The following PKD2 variants were observed in gnomAD, a reference collection of about 807,000 sequenced individuals.
PKD2 encodes the protein polycystin 2, transient receptor potential cation channel, also known as polycystin-2.
Under a neutral mutation model 105.9 loss-of-function variants are expected in PKD2, and 48 were observed. That is an observed-to-expected ratio of 0.45 (90% CI 0.36 to 0.58). The LOEUF is 0.58. PKD2 is among the 20% of genes least tolerant of loss of function. The pLI is 0.00. For missense variants in PKD2, 1,078 were observed against 1,255.3 expected (o/e 0.86, Z 2.13); for synonymous variants, 464 against 481.1 (o/e 0.96, Z 0.46).
intron 2 of PKD2, among the ~76,000 whole-genome samples, chr4:88,025,352 G>A (rs1726917436): frequency 6.6e-6 from 1 of 151,970 alleles, no homozygotes; most frequent in Admixed American, 6.6e-5. Context: ...CAATTACTTG[G>A]GAGCCTGAGG....
rs997793475 is a variant in PKD2 at position 88,077,299 on chromosome 4, G to A, written c.*1605G>A. 6.6e-6 allele frequency: 1 copy of A among 152,540 alleles called. No homozygotes were observed. Among genetic ancestry groups the A allele is most frequent in the Non-Finnish European group, 1.5e-5 (1 of 68,032 alleles). The allele number at this position is 152,540 out of a possible 1,614,324, so 9.4% of individuals were successfully genotyped here. Reference sequence around the variant, plus strand: ...GGGTTTCTGTAAGTTTTTCCTCATGGCTTCATCTCTATCTTTACTTTCTCT... The same window carrying A: ...GGGTTTCTGTAAGTTTTTCCTCATGACTTCATCTCTATCTTTACTTTCTCT... On this transcript the variant is annotated 3_prime_UTR_variant, in exon 15 of 15. Transcript: ENST00000237596.
chr4:88,019,507 A>G lies in PKD2; in HGVS notation c.645A>G (p.Lys215=), dbSNP rs2110089256. 1.2e-6 allele frequency: 2 copies of G among 1,609,162 alleles called. No homozygotes were observed. Among genetic ancestry groups the G allele is most frequent in the Middle Eastern group, 3.3e-4 (2 of 6,046 alleles). Residue 215 remains lysine, a synonymous_variant, in exon 2 of 15, where the codon AAA becomes AAG. Coordinates refer to ENST00000237596, the MANE Select transcript of PKD2 (RefSeq NM_000297.4). ...AGGAAAGCAGCACTAACCGAGAGAAATACCTTAAAAGTGTTTTACGGGAAC... is the reference window on the plus strand; with the variant it reads ...AGGAAAGCAGCACTAACCGAGAGAAGTACCTTAAAAGTGTTTTACGGGAAC... ...LMEESSTNRE[K]YLKSVLRELV...
intron 7 of PKD2, among the ~76,000 whole-genome samples, chr4:88,055,607 G>C (rs529333995): frequency 1.3e-5 from 2 of 150,622 alleles, no homozygotes; most frequent in South Asian, 4.2e-4. Flanking sequence ...CCAAAGTGCC[G>C]GGATTATAGA....
At position 88,052,128 on chromosome 4, in the gene PKD2, T is replaced by G. The variant is rs1237019577; in HGVS notation, c.1686T>G (p.Ala562=). 6.2e-7 allele frequency: 1 copy of G among 1,604,902 alleles called. No individual in the cohort carries two copies. Among genetic ancestry groups the G allele is most frequent in the East Asian group, 2.2e-5 (1 of 44,784 alleles). ...GGCAGATACAGTTCAACAATATAGC[T>G]GCTGTCACAGTATTTTTTGTCTGGA... ...AYWQIQFNNI[A]AVTVFFVWIK... Residue 562 remains alanine, a synonymous_variant, in exon 7 of 15, where the codon GCT becomes GCG. Transcript: ENST00000237596.
rs770056709 is a variant in PKD2 at position 88,038,400 on chromosome 4, C to T, written c.993C>T (p.Cys331=). 1 of 1,613,400 alleles carries T rather than the reference C, an allele frequency of 6.2e-7. No homozygotes were observed. The highest frequency in any genetic ancestry group is 1.3e-5 in the African/African-American group (1 of 74,884). Residue 331 remains cysteine (C), a synonymous_variant, in exon 4 of 15, where the codon TGC becomes TGT. Transcript: ENST00000237596. ...AACTCCGAGTCAGAAATGGATCCTG[C>T]TCTATCCCCCAGGACTTGAGAGATG... is the stretch of plus-strand genomic sequence containing the variant. The part of the protein sequence containing the change: ...IRQLRVRNGS[C]SIPQDLRDEI...
intron 7 of PKD2, among the ~76,000 whole-genome samples, chr4:88,053,515 G>A (rs1035900546): frequency 6.6e-6 from 1 of 151,990 alleles, no homozygotes; most frequent in African/African-American, 2.4e-5. Flanking sequence ...AAATTAGCTG[G>A]GGGTGGTGGC....
intron 6 of PKD2, 123 bp downstream of exon 6, chr4:88,046,993 A>T: frequency 1.4e-6 from 1 of 730,402 alleles, no homozygotes; most frequent in South Asian, 1.5e-5. Flanking sequence ...GTCCCCCTCA[A>T]TTATATCAAC....
chr4:88,031,624 T>A (rs979150657), intron 2 of PKD2, among the ~76,000 whole-genome samples: 5 of 152,186 alleles, frequency 3.3e-5, no homozygotes, highest in African/African-American at 4.8e-5. Flanking sequence ...AGGGAAAAAA[T>A]TTAATTTCTT....
rs568756217 is a variant in PKD2, at chr4:88,061,926, C to G, written c.2040C>G (p.Ile680Met). 1.9e-6 allele frequency: 3 copies of G among 1,550,678 alleles called. No individual in the cohort carries two copies. The highest frequency in any genetic ancestry group is 2.7e-6 in the Non-Finnish European group (3 of 1,122,534). ...FILLNMFLAI[I>M]NDTYSEVKSD... Reference sequence around the variant, plus strand: ...AACAGAATATGTTTTTGGCTATCATCAATGATACTTACTCTGAAGTGAAAT... The same window carrying G: ...AACAGAATATGTTTTTGGCTATCATGAATGATACTTACTCTGAAGTGAAAT... The change falls in exon 10 of 15, where the codon ATC becomes ATG. Residue 680 changes from isoleucine to methionine, a missense_variant. Physicochemically the swap from Ile to Met is conservative, Grantham distance 10. Coordinates refer to ENST00000237596, the MANE Select transcript of PKD2 (RefSeq NM_000297.4).
intron 12 of PKD2, among the ~76,000 whole-genome samples, chr4:88,066,333 A>C (rs960582523): frequency 1.3e-5 from 2 of 151,246 alleles, no homozygotes; most frequent in Non-Finnish European, 3.0e-5. Flanking sequence ...CTGGTTAGTT[A>C]GTGGCTATTT....
chr4:88,026,280 T>C lies in PKD2; in HGVS notation c.709+6709T>C, dbSNP rs150141390. On this transcript the variant is annotated intron_variant, in intron 2 of 14. Transcript: ENST00000237596. ...GTCTCAGGTGGAGATGAGGAACTTA[T>C]TGGGAACTGGAGTAAACGTCACTCT... Among the ~76,000 whole-genome samples the C allele has an allele frequency of 4.5e-3, 681 of 152,282 alleles. 8 individuals carry two copies. Among genetic ancestry groups the C allele is most frequent in the African/African-American group, 0.014 (593 of 41,556 alleles).
chr4:88,027,153 C>T (rs1166264909), intron 2 of PKD2, among the ~76,000 whole-genome samples: 2 of 152,178 alleles, frequency 1.3e-5, no homozygotes, highest in African/African-American at 4.8e-5. Flanking sequence ...CTCCAGACTC[C>T]AGAATGGTAG....
At chr4:88,036,710 G>T (rs1031108479) in intron 3 of PKD2, among the ~76,000 whole-genome samples, 2 of 152,132 alleles carry the variant, frequency 1.3e-5, no homozygotes, top group South Asian at 2.1e-4. Flanking sequence ...AAGAAAAATT[G>T]ATTTTTTTCT....
intron 1 of PKD2, among the ~76,000 whole-genome samples, chr4:88,014,107 T>G (rs1271993871): frequency 6.6e-6 from 1 of 151,836 alleles, no homozygotes; most frequent in Non-Finnish European, 1.5e-5. Context: ...AGAAGCTAGA[T>G]AGAAAGGAAA....
chr4:88,041,640 C>G (rs892832310), intron 4 of PKD2, among the ~76,000 whole-genome samples: 2 of 152,162 alleles, frequency 1.3e-5, no homozygotes, highest in Non-Finnish European at 2.9e-5. Flanking sequence ...GGGGTGTTCA[C>G]TGGGTACTGG....
At chr4:88,023,094 A>G (rs887732142) in intron 2 of PKD2, among the ~76,000 whole-genome samples, 1 of 152,110 alleles carries the variant, frequency 6.6e-6, no homozygotes, top group African/African-American at 2.4e-5. Context: ...CAAAAAATAA[A>G]TAAATGAATA....
chr4:88,016,203 C>T (rs937014162), intron 1 of PKD2, among the ~76,000 whole-genome samples: 3 of 152,162 alleles, frequency 2.0e-5, no homozygotes, highest in African/African-American at 4.8e-5. Context: ...GACCAGTACC[C>T]GTCTGCAGCC....
rs762372468 is a variant in PKD2 at position 88,076,163 on chromosome 4, G to T, written c.*469G>T. 6 of 157,194 alleles carry T rather than the reference G, an allele frequency of 3.8e-5. No individual in the cohort carries two copies. The highest frequency in any genetic ancestry group is 8.4e-5 in the Non-Finnish European group (6 of 71,032). The allele number at this position is 157,194 out of a possible 1,614,324, so 9.7% of individuals were successfully genotyped here. A position where few individuals can be genotyped will look rare whatever the true frequency, so the allele number is the denominator to read the frequency against. On this transcript the variant is annotated 3_prime_UTR_variant, in exon 15 of 15. Coordinates refer to ENST00000237596, the MANE Select transcript of PKD2 (RefSeq NM_000297.4). ...AATACATAGCTTTCTTTTAAGAAAG[G>T]AGCCTTTTTTTTCAACTAGCTTCCT...
chr4:88,028,151 AT>A (rs1727023098), intron 2 of PKD2, among the ~76,000 whole-genome samples: 1 of 152,232 alleles, frequency 6.6e-6, no homozygotes, highest in Non-Finnish European at 1.5e-5. Context: ...ATGTATTTCC[AT>A]TTGTTTATCT....
Sources: allele counts gnomAD v4.1 joint callset (sites outside exome capture counted in the v4.1 genomes callset), GRCh38; gene constraint gnomAD v4.1.1; transcripts MANE v1.5; gene names NCBI Gene and HGNC (gene_info 2026-07-23, HGNC 2026-07-21).